Variants in IMMP2L observed in about 807,000 individuals in gnomAD.
The protein encoded by IMMP2L is inner mitochondrial membrane peptidase subunit 2.
A neutral mutation model predicts 19.3 loss-of-function variants in IMMP2L; 18 were observed. The observed-to-expected ratio is 0.93, with a 90% CI of 0.64 to 1.38. The LOEUF (loss-of-function observed/expected upper bound fraction) is 1.38, where lower values mean the gene tolerates loss of function less well. Ranked by LOEUF, IMMP2L falls within the 40% of genes most tolerant of loss-of-function variation. The pLI is 0.00. For synonymous variants in IMMP2L, 76 were observed against 73.0 expected (o/e 1.04, Z -0.21); for missense variants, 233 against 218.2 (o/e 1.07, Z -0.43).
At chr7:111,492,264 T>C (rs1346976816) in intron 2 of IMMP2L, 1 of 352,924 alleles carries the variant, frequency 2.8e-6, no homozygotes, top group Non-Finnish European at 4.0e-6. Context: ...TTTTCAAAAT[T>C]AACAAGGTCA....
At chr7:110,940,782 G>A (rs1323873990) in intron 4 of IMMP2L, among the ~76,000 whole-genome samples, 1 of 152,106 alleles carries the variant, frequency 6.6e-6, no homozygotes, top group Non-Finnish European at 1.5e-5. Context: ...TGGCTATCAG[G>A]AAATACCTGA....
intron 3 of IMMP2L, among the ~76,000 whole-genome samples, chr7:111,330,742 A>C (rs1050845028): frequency 4.6e-5 from 7 of 151,930 alleles, no homozygotes; most frequent in Non-Finnish European, 1.0e-4. Flanking sequence ...GAAAACCAAA[A>C]ATCCAATTTA....
intron 3 of IMMP2L, among the ~76,000 whole-genome samples, chr7:111,067,150 AAACCAC>A (rs1266328618): frequency 6.6e-6 from 1 of 152,182 alleles, no homozygotes; most frequent in Non-Finnish European, 1.5e-5. Flanking sequence ...TCCCTATCAT[AAACCAC>A]AACCATGAGT....
intron 3 of IMMP2L, among the ~76,000 whole-genome samples, chr7:111,421,875 T>A (rs1835592814): frequency 6.6e-6 from 1 of 151,964 alleles, no homozygotes; most frequent in Non-Finnish European, 1.5e-5. Flanking sequence ...AAGTCTTTAA[T>A]CCATCTTGAA....
chr7:110,997,242 G>T (rs1204482576), intron 3 of IMMP2L, among the ~76,000 whole-genome samples: 1 of 152,034 alleles, frequency 6.6e-6, no homozygotes, highest in African/African-American at 2.4e-5. Flanking sequence ...CCTTTTTATT[G>T]CTGAATTGTA....
intron 3 of IMMP2L, among the ~76,000 whole-genome samples, chr7:111,374,319 T>C (rs1830497330): frequency 6.6e-6 from 1 of 152,068 alleles, no homozygotes; most frequent in Non-Finnish European, 1.5e-5. Context: ...ATTCTGTAGC[T>C]AGTAAAGTCC....
At chr7:110,931,009 T>C (rs1815417299) in intron 4 of IMMP2L, among the ~76,000 whole-genome samples, 1 of 152,134 alleles carries the variant, frequency 6.6e-6, no homozygotes, top group Non-Finnish European at 1.5e-5. Flanking sequence ...ACCTAAAATC[T>C]AGTGAGTGTA....
At chr7:111,104,230 A>T (rs1480442056) in intron 3 of IMMP2L, among the ~76,000 whole-genome samples, 1 of 151,614 alleles carries the variant, frequency 6.6e-6, no homozygotes, top group Non-Finnish European at 1.5e-5. Context: ...GGAAATGATG[A>T]AACTCCAGGT....
intron 3 of IMMP2L, among the ~76,000 whole-genome samples, chr7:111,312,639 C>T (rs1258605901): frequency 6.6e-6 from 1 of 152,092 alleles, no homozygotes; most frequent in African/African-American, 2.4e-5. Context: ...ATTACAACTT[C>T]CATTTGATTT....
intron 3 of IMMP2L, among the ~76,000 whole-genome samples, chr7:111,385,344 G>C (rs1326298640): frequency 6.6e-6 from 1 of 152,114 alleles, no homozygotes; most frequent in Admixed American, 6.6e-5. Flanking sequence ...CTTTATAAGA[G>C]AAAAAGATGC....
chr7:111,129,447 T>C (rs1044945515), intron 3 of IMMP2L, among the ~76,000 whole-genome samples: 8 of 151,024 alleles, frequency 5.3e-5, no homozygotes, highest in African/African-American at 1.9e-4. Context: ...TACCATTATA[T>C]ATTACTATAT....
intron 3 of IMMP2L, among the ~76,000 whole-genome samples, chr7:111,268,874 C>T (rs1249548532): frequency 1.3e-5 from 2 of 152,050 alleles, no homozygotes; most frequent in African/African-American, 4.8e-5. Flanking sequence ...CCTGGGATTA[C>T]AGGTATGAGC....
intron 3 of IMMP2L, among the ~76,000 whole-genome samples, chr7:111,020,557 T>C (rs2129566499): frequency 6.6e-6 from 1 of 151,406 alleles, no homozygotes; most frequent in East Asian, 1.9e-4. Flanking sequence ...AGCATAGGAG[T>C]TCAAGACCAG....
At position 111,213,806 on chromosome 7, in the gene IMMP2L, T is replaced by A. The variant is rs989985925; in HGVS notation, c.240-250241A>T. ...TGAACATTTGAAGGAATGACCTGCC[T>A]GCGGAGAGCTATCCAACGTGGGTCT... On this transcript the variant is annotated intron_variant, in intron 3 of 5. Coordinates refer to ENST00000405709, the MANE Select transcript of IMMP2L (RefSeq NM_032549.4). The surrounding 1 kb of genome is among the most constrained non-coding windows in gnomAD (Gnocchi z 4.8). Among the ~76,000 whole-genome samples the A allele has an allele frequency of 5.3e-5, 8 of 152,178 alleles. No individual in the cohort carries two copies. Among genetic ancestry groups the A allele is most frequent in the Non-Finnish European group, 1.5e-5 (1 of 68,028 alleles).
At chr7:111,505,525 A>G (rs112889482) in intron 2 of IMMP2L, among the ~76,000 whole-genome samples, 17,757 of 151,310 alleles carry the variant, frequency 0.12, 1,524 homozygotes, top group African/African-American at 0.23. Context: ...ACACACACAT[A>G]TATATTGTGG....
chr7:110,945,081 C>T (rs1282873066), intron 4 of IMMP2L, among the ~76,000 whole-genome samples: 2 of 151,814 alleles, frequency 1.3e-5, no homozygotes, highest in South Asian at 2.1e-4. Context: ...TCTACAAAGG[C>T]AACGGTATGC....
chr7:111,361,091 C>A (rs572350122), intron 3 of IMMP2L, among the ~76,000 whole-genome samples: 43 of 152,010 alleles, frequency 2.8e-4, no homozygotes, highest in African/African-American at 1.0e-3. Flanking sequence ...TAGTGAAATC[C>A]TGTAACAATG....
Position 111,000,858 on chromosome 7 carries a change from AAAAC to A in IMMP2L, c.240-37297_240-37294del, listed in dbSNP as rs1261051533. Among the ~76,000 whole-genome samples, 5 of 152,166 alleles carry A rather than the reference AAAAC, an allele frequency of 3.3e-5. No individual in the cohort carries two copies. In the East Asian group the frequency reaches 9.7e-4, roughly 29 times the overall value. ...GACTCCTCTGTCTTAAAAAAAAAAA[AAAAC>A]AGATGGATGATTCCCTATGGTAGGC... On this transcript the variant is annotated intron_variant, in intron 3 of 5. Coordinates refer to ENST00000405709, the MANE Select transcript of IMMP2L (RefSeq NM_032549.4).
At chr7:110,962,103 C>T (rs948102773) in intron 4 of IMMP2L, among the ~76,000 whole-genome samples, 1 of 151,788 alleles carries the variant, frequency 6.6e-6, no homozygotes, top group Admixed American at 6.6e-5. Context: ...TTTAAAAGAC[C>T]TTCACTGATA....
Sources: gnomAD v4.1 joint callset for allele counts (sites outside exome capture counted in the v4.1 genomes callset) on GRCh38, gnomAD v4.1.1 for gene constraint, Gnocchi (gnomAD v3.1) non-coding constraint, MANE v1.5 for transcripts, NCBI Gene and HGNC (gene_info 2026-07-23, HGNC 2026-07-21) for gene names.